The following ELOVL6 variants were observed in gnomAD, a reference collection of about 807,000 sequenced individuals.
ELOVL6 encodes ELOVL fatty acid elongase 6.
In ELOVL6, 8 loss-of-function variants were observed where a neutral mutation model predicts 31.7. The observed-to-expected ratio is 0.25, with a 90% CI of 0.15 to 0.45. The LOEUF is 0.45. Ranked by LOEUF, ELOVL6 falls within the 20% of genes least tolerant of loss-of-function variation. The pLI is 1.00. For missense variants in ELOVL6, 126 were observed against 326.4 expected, an observed-to-expected ratio of 0.39 and a Z score of 4.73; for synonymous variants, 101 against 117.7, an observed-to-expected ratio of 0.86 and a Z score of 0.92.
chr4:110,114,479 C>A (rs1449745978), intron 1 of ELOVL6, among the ~76,000 whole-genome samples: 1 of 152,050 alleles, frequency 6.6e-6, no homozygotes, highest in African/African-American at 2.4e-5. Flanking sequence ...AACTTCCTGG[C>A]TGATGGTCCT....
chr4:110,130,134 G>C (rs1178982118), intron 1 of ELOVL6, among the ~76,000 whole-genome samples: 1 of 151,930 alleles, frequency 6.6e-6, no homozygotes, highest in Non-Finnish European at 1.5e-5. Context: ...TTGACCTCGT[G>C]ACCCGCCCAC....
rs564484861 is a variant in ELOVL6, at chr4:110,112,265, A to AGT, written c.90-6639_90-6638dup. ...CCTGATCTCTCGATCAATGCACTGAAGTGTGTGTGTGAACTGCGGCTCTTC... is the reference window on the plus strand; with the variant it reads ...CCTGATCTCTCGATCAATGCACTGAAGTGTGTGTGTGTGAACTGCGGCTCTTC... On this transcript the variant is annotated intron_variant, in intron 1 of 3. Transcript: ENST00000302274. Among the ~76,000 whole-genome samples the AGT allele has an allele frequency of 1.5e-3, 232 of 152,288 alleles. 1 individual carries two copies. The highest frequency in any genetic ancestry group is 5.3e-3 in the African/African-American group (221 of 41,556).
chr4:110,141,558 A>G (rs952034626), intron 1 of ELOVL6, among the ~76,000 whole-genome samples: 4 of 151,886 alleles, frequency 2.6e-5, no homozygotes, highest in African/African-American at 9.7e-5. Flanking sequence ...GATGATGGAG[A>G]AAAACCCACT....
chr4:110,157,782 C>G (rs183124188), intron 1 of ELOVL6, among the ~76,000 whole-genome samples: 2 of 152,264 alleles, frequency 1.3e-5, no homozygotes, highest in East Asian at 3.9e-4. Flanking sequence ...GCTATGGAAG[C>G]TGTAAAGCTA....
chr4:110,184,518 T>A (rs989303957), intron 1 of ELOVL6, among the ~76,000 whole-genome samples: 1 of 152,224 alleles, frequency 6.6e-6, no homozygotes, highest in Non-Finnish European at 1.5e-5. Flanking sequence ...AGATTTTGAA[T>A]GACCTTAAAA....
chr4:110,054,240 A>T (rs980042991), intron 3 of ELOVL6, among the ~76,000 whole-genome samples: 2 of 152,252 alleles, frequency 1.3e-5, no homozygotes, highest in African/African-American at 4.8e-5. Flanking sequence ...TGTCAGGCAG[A>T]CTGATAATGA....
At chr4:110,136,784 A>C (rs1757825180) in intron 1 of ELOVL6, among the ~76,000 whole-genome samples, 2 of 152,220 alleles carry the variant, frequency 1.3e-5, no homozygotes, top group South Asian at 4.1e-4. Context: ...CAAAATTAGC[A>C]TCTAATCAAT....
intron 1 of ELOVL6, among the ~76,000 whole-genome samples, chr4:110,186,822 A>AAAATAT (rs1553963193): frequency 1.3e-4 from 8 of 59,426 alleles, no homozygotes; most frequent in Middle Eastern, 0.012. Flanking sequence ...AAAAAAAAAA[A>AAAATAT]ATATATATAT....
intron 3 of ELOVL6, among the ~76,000 whole-genome samples, chr4:110,054,852 G>A (rs1418321731): frequency 1.3e-5 from 2 of 151,966 alleles, no homozygotes; most frequent in African/African-American, 4.8e-5. Context: ...TGGAGTGGAG[G>A]GTAGGAGGAG....
intron 2 of ELOVL6, among the ~76,000 whole-genome samples, chr4:110,065,766 G>C (rs931841846): frequency 2.6e-5 from 4 of 152,120 alleles, no homozygotes; most frequent in African/African-American, 9.7e-5. Context: ...AAATGGAATA[G>C]CTCAGTAATG....
chr4:110,131,098 G>A (rs554467323), intron 1 of ELOVL6, among the ~76,000 whole-genome samples: 2 of 152,282 alleles, frequency 1.3e-5, no homozygotes, highest in South Asian at 4.2e-4. Context: ...CTGCACCTTG[G>A]ACATTGAACT....
intron 1 of ELOVL6, among the ~76,000 whole-genome samples, chr4:110,126,783 T>C (rs1757510016): frequency 6.6e-6 from 1 of 152,132 alleles, no homozygotes; most frequent in South Asian, 2.1e-4. Flanking sequence ...TTAGAAGATT[T>C]TTAAATTTGA....
chr4:110,124,109 T>C (rs555417518), intron 1 of ELOVL6, among the ~76,000 whole-genome samples: 1 of 152,150 alleles, frequency 6.6e-6, no homozygotes, highest in Non-Finnish European at 1.5e-5. Context: ...TTAAAGTAGC[T>C]TGACTCTAGA....
chr4:110,172,814 A>G (rs1758993759), intron 1 of ELOVL6, among the ~76,000 whole-genome samples: 1 of 152,224 alleles, frequency 6.6e-6, no homozygotes, highest in African/African-American at 2.4e-5. Flanking sequence ...TTACAGTGAA[A>G]CAATGGACAT....
intron 1 of ELOVL6, among the ~76,000 whole-genome samples, chr4:110,177,687 A>T (rs895244925): frequency 1.3e-5 from 2 of 152,150 alleles, no homozygotes; most frequent in Non-Finnish European, 2.9e-5. Flanking sequence ...AAACTCAGAT[A>T]GAACCTAGGT....
chr4:110,113,896 G>A (rs115330452), intron 1 of ELOVL6, among the ~76,000 whole-genome samples: 246 of 152,206 alleles, frequency 1.6e-3, no homozygotes, highest in African/African-American at 5.6e-3. Flanking sequence ...TTCATTCTAC[G>A]AGAAAGGTAG....
intron 1 of ELOVL6, among the ~76,000 whole-genome samples, chr4:110,152,829 G>T (rs1022912860): frequency 6.6e-6 from 1 of 152,202 alleles, no homozygotes; most frequent in Admixed American, 6.5e-5. Context: ...GAAAATTTTA[G>T]AAGGGGAAAG....
At chr4:110,084,468 A>G (rs1185023594) in intron 2 of ELOVL6, among the ~76,000 whole-genome samples, 2 of 131,788 alleles carry the variant, frequency 1.5e-5, no homozygotes, top group African/African-American at 6.0e-5. Context: ...TATATGATAT[A>G]TAACAATATA....
intron 1 of ELOVL6, among the ~76,000 whole-genome samples, chr4:110,150,074 G>T (rs368649052): frequency 1.9e-4 from 29 of 151,882 alleles, no homozygotes; most frequent in East Asian, 7.7e-4. Flanking sequence ...TTTATTTTTA[G>T]TTTTAGTTTT....
Sources: gnomAD v4.1 joint callset for allele counts (sites outside exome capture counted in the v4.1 genomes callset) on GRCh38, gnomAD v4.1.1 for gene constraint, MANE v1.5 for transcripts, NCBI Gene and HGNC (gene_info 2026-07-23, HGNC 2026-07-21) for gene names.